Variants in SLIT3 observed in about 807,000 individuals in gnomAD.
SLIT3 encodes slit guidance ligand 3.
In SLIT3, 68 loss-of-function variants were observed where a neutral mutation model predicts 184.0. The ratio of observed to expected loss-of-function variants is 0.37; its 90% CI spans 0.30 to 0.45. The LOEUF is 0.45. Ranked by LOEUF, SLIT3 falls within the 20% of genes least tolerant of loss-of-function variation. The pLI is 1.00. For synonymous variants in SLIT3, 831 were observed against 828.6 expected, an observed-to-expected ratio of 1.00 and a Z score of -0.05; for missense variants, 1,707 against 2,026.0, an observed-to-expected ratio of 0.84 and a Z score of 3.02.
intron 4 of SLIT3, among the ~76,000 whole-genome samples, chr5:169,149,697 A>G (rs972533658): frequency 6.6e-6 from 1 of 152,228 alleles, no homozygotes; most frequent in Admixed American, 6.5e-5. Context: ...GTTACACAAA[A>G]GTGTCCCGAA....
At chr5:168,878,157 G>A (rs1370274602) in intron 5 of SLIT3, among the ~76,000 whole-genome samples, 4 of 152,158 alleles carry the variant, frequency 2.6e-5, no homozygotes, top group African/African-American at 4.8e-5. Context: ...CCATCGAACC[G>A]CCTGTCTCTC....
At chr5:169,090,029 G>C (rs1284290933) in intron 4 of SLIT3, among the ~76,000 whole-genome samples, 4 of 152,184 alleles carry the variant, frequency 2.6e-5, no homozygotes, top group African/African-American at 9.7e-5. Flanking sequence ...TGTGTATGCA[G>C]GTGACAAGAG....
intron 3 of SLIT3, among the ~76,000 whole-genome samples, chr5:169,220,596 G>T (rs10866631): frequency 1.4e-5 from 2 of 147,538 alleles, no homozygotes; most frequent in Non-Finnish European, 3.1e-5. Context: ...AAAGACAGAC[G>T]ACAATAGCTA....
At chr5:169,184,338 A>C (rs185483196) in intron 4 of SLIT3, among the ~76,000 whole-genome samples, 1 of 152,374 alleles carries the variant, frequency 6.6e-6, no homozygotes, top group African/African-American at 2.4e-5. Context: ...TGAGAAAGTC[A>C]GAGAGACCTG....
chr5:168,914,209 T>C (rs909395206), intron 4 of SLIT3, among the ~76,000 whole-genome samples: 4 of 152,236 alleles, frequency 2.6e-5, no homozygotes, highest in African/African-American at 9.6e-5. Context: ...AAAAAGGCTA[T>C]GTGCACTTAA....
intron 5 of SLIT3, among the ~76,000 whole-genome samples, chr5:168,851,926 TG>T (rs1202835749): frequency 6.6e-6 from 1 of 152,222 alleles, no homozygotes; most frequent in Non-Finnish European, 1.5e-5. Flanking sequence ...TAAAATGGGC[TG>T]TCTCTTTGCA....
chr5:168,793,382 C>G (rs1756452777), intron 10 of SLIT3, among the ~76,000 whole-genome samples: 1 of 152,106 alleles, frequency 6.6e-6, no homozygotes, highest in Non-Finnish European at 1.5e-5. Context: ...GAAATCCATT[C>G]TCACCAGGGA....
chr5:168,689,191 T>A (rs887683450), intron 29 of SLIT3, among the ~76,000 whole-genome samples: 2 of 152,180 alleles, frequency 1.3e-5, no homozygotes, highest in African/African-American at 4.8e-5. Flanking sequence ...CAAACGCCCA[T>A]GTGATGCTGA....
At position 168,832,415 on chromosome 5, in the gene SLIT3, G is replaced by T. The variant is rs985415118; in HGVS notation, c.558-9084C>A. 2.6e-5 allele frequency among the ~76,000 whole-genome samples: 4 copies of T among 152,376 alleles called. No individual in the cohort carries two copies. The East Asian group carries it at 5.8e-4, about 22-fold the overall frequency. On this transcript the variant is annotated intron_variant, in intron 6 of 35. Coordinates refer to ENST00000519560, the MANE Select transcript of SLIT3 (RefSeq NM_003062.4). Reference sequence around the variant, plus strand: ...TGGGCAGAGAGCAAGTCTGTTTCATGTAGTTACGTAGCCAGAGCCTGGCCC... The same window carrying T: ...TGGGCAGAGAGCAAGTCTGTTTCATTTAGTTACGTAGCCAGAGCCTGGCCC...
At chr5:169,026,407 G>C (rs991933413) in intron 4 of SLIT3, 4 of 152,162 alleles carry the variant, frequency 2.6e-5, no homozygotes, top group Non-Finnish European at 2.9e-5. Context: ...TGTAAGTTCA[G>C]GAATGTCTGC....
At chr5:169,052,859 T>G (rs1757863183) in intron 4 of SLIT3, among the ~76,000 whole-genome samples, 5 of 152,148 alleles carry the variant, frequency 3.3e-5, no homozygotes, top group Admixed American at 3.3e-4. Flanking sequence ...GGCCTTTTCC[T>G]GGGGAGCACC....
At chr5:169,178,513 G>A (rs937942570) in intron 4 of SLIT3, among the ~76,000 whole-genome samples, 13 of 152,336 alleles carry the variant, frequency 8.5e-5, no homozygotes, top group Admixed American at 2.0e-4. Flanking sequence ...CGTGCGATCA[G>A]AGATTCTTCC....
chr5:169,159,373 C>A (rs1024641756), intron 4 of SLIT3, among the ~76,000 whole-genome samples: 26 of 152,286 alleles, frequency 1.7e-4, no homozygotes, highest in East Asian at 1.5e-3. Flanking sequence ...TTGCAGTGAG[C>A]TGAGATCGTG....
chr5:169,236,917 C>G (rs1207431016), intron 3 of SLIT3, among the ~76,000 whole-genome samples: 1 of 152,132 alleles, frequency 6.6e-6, no homozygotes. Flanking sequence ...TAGTCCATTC[C>G]CACATATTCT....
Position 168,723,008 on chromosome 5 carries a change from G to A in SLIT3, c.2340-4C>T, listed in dbSNP as rs1762992191. On this transcript the variant is annotated splice_polypyrimidine_tract_variant and splice_region_variant and intron_variant, in intron 21 of 35. Coordinates refer to ENST00000519560, the MANE Select transcript of SLIT3 (RefSeq NM_003062.4). ...GATGCTGTTGTTGCTCAGGTCACTA[G>A]GAAAAGTAAAACAGAGGGGTCATGC... 1 of 1,612,964 alleles carries A rather than the reference G, an allele frequency of 6.2e-7. No individual in the cohort carries two copies. The highest frequency in any genetic ancestry group is 1.3e-5 in the African/African-American group (1 of 75,008).
chr5:169,041,481 T>G (rs1217612678), intron 4 of SLIT3, among the ~76,000 whole-genome samples: 1 of 152,184 alleles, frequency 6.6e-6, no homozygotes, highest in East Asian at 1.9e-4. Flanking sequence ...GGAGGGCTGT[T>G]CAGAAGGCAT....
chr5:168,942,708 T>C (rs1762365455), intron 4 of SLIT3, among the ~76,000 whole-genome samples: 2 of 150,768 alleles, frequency 1.3e-5, no homozygotes, highest in African/African-American at 2.5e-5. Context: ...AGATGGGCCA[T>C]AAAGATGGCA....
At chr5:169,241,401 C>T (rs867773816) in intron 3 of SLIT3, among the ~76,000 whole-genome samples, 5 of 152,260 alleles carry the variant, frequency 3.3e-5, no homozygotes, top group Middle Eastern at 6.8e-3. Flanking sequence ...AATTTCTCAA[C>T]TTTGGCACTA....
chr5:168,776,088 T>C (rs1755737048), intron 12 of SLIT3, among the ~76,000 whole-genome samples: 1 of 152,242 alleles, frequency 6.6e-6, no homozygotes, highest in Admixed American at 6.5e-5. Flanking sequence ...AGCCCCTCCC[T>C]GGTGGGGAAT....
Sources: gnomAD v4.1 joint callset for allele counts (sites outside exome capture counted in the v4.1 genomes callset) on GRCh38, gnomAD v4.1.1 for gene constraint, MANE v1.5 for transcripts, NCBI Gene and HGNC (gene_info 2026-07-23, HGNC 2026-07-21) for gene names.